LMNA: variants seen among roughly 807,000 people sequenced by gnomAD.
LMNA encodes the protein lamin A/C.
LMNA carries 20 observed loss-of-function variants against 70.4 expected under a neutral mutation model. The observed-to-expected ratio is 0.28, with a 90% CI of 0.20 to 0.41. The LOEUF (loss-of-function observed/expected upper bound fraction) is 0.41. LMNA is among the 10% of genes least tolerant of loss of function. The pLI is 1.00. For synonymous variants in LMNA, 339 were observed against 372.8 expected (o/e 0.91, Z 1.04); for missense variants, 652 against 917.2 (o/e 0.71, Z 3.73).
rs532611941 is a variant in LMNA, at chr1:156,086,344, T to A, written c.-319+3160T>A. 2.0e-5 allele frequency among the ~76,000 whole-genome samples: 3 copies of A among 151,960 alleles called. No homozygotes were observed. In the South Asian group the frequency reaches 6.2e-4, roughly 32 times the overall value. On this transcript the variant is annotated intron_variant, in intron 2 of 12. Transcript: ENST00000368301. ...AAGGTCATTCTAAACAAACAGCAAA[T>A]AATTCTAAAAATAATTCCTGTTAAG...
At position 156,137,104 on chromosome 1, in the gene LMNA, C is replaced by T. The variant is rs374324602; in HGVS notation, c.1489-9C>T. 5.0e-6 allele frequency: 8 copies of T among 1,613,966 alleles called. No individual in the cohort carries two copies. The African/African-American group carries it at 8.0e-5, about 16-fold the overall frequency. ...AGCGCTGGGGTAAGTGTCCTTTTCT[C>T]CTCTCCAGATCTGGGCTGCAGGAGC... On this transcript the variant is annotated splice_polypyrimidine_tract_variant and intron_variant, in intron 8 of 11. Transcript: ENST00000368300. This position sits in a 1 kb window ranked among gnomAD's most constrained non-coding sequence, Gnocchi z 4.6.
rs561606098 is a variant in LMNA at position 156,137,888 on chromosome 1, C to A, written c.1698+145C>A. The A allele has an allele frequency of 1.3e-6, 2 of 1,501,928 alleles. No individual in the cohort carries two copies. Among genetic ancestry groups the A allele is most frequent in the South Asian group, 2.5e-5 (2 of 78,718 alleles). 93.0% of individuals were successfully genotyped at this position (1,501,928 alleles called of 1,614,324 possible). ...TTTACTCGCTGGCCTGGCCTTTCTTCTCTCTCCTCCCTATACCTTGAACAG... is the reference window on the plus strand; with the variant it reads ...TTTACTCGCTGGCCTGGCCTTTCTTATCTCTCCTCCCTATACCTTGAACAG... On this transcript the variant is annotated intron_variant, in intron 10 of 11. Transcript: ENST00000368300. The surrounding 1 kb of genome is among the most constrained non-coding windows in gnomAD (Gnocchi z 4.6).
rs768986279 is a variant in LMNA at position 156,138,750 on chromosome 1, G to A, written c.1961G>A (p.Arg654Gln). Residue 654 changes from arginine to glutamine, a missense_variant, in exon 11 of 12, where the codon CGA becomes CAA. Around this residue, in one of 4 missense-constraint regions of LMNA, gnomAD observed 327 missense variants for 387.6 expected, o/e 0.84. Transcript: ENST00000368300. This position sits in a 1 kb window ranked among gnomAD's most constrained non-coding sequence, Gnocchi z 5.5. ...TACCTCCTGGGCAACTCCAGCCCCC[G>A]AACCCAGGTGAGTTGTCTCTGCTTT... ...RSYLLGNSSP[R>Q]TQSPQNCSIM 5 of 1,613,324 alleles carry A rather than the reference G, an allele frequency of 3.1e-6. No individual in the cohort carries two copies. The Admixed American group carries it at 5.0e-5, about 16-fold the overall frequency.
Position 156,135,875 on chromosome 1 carries a change from C to T in LMNA, c.937-26C>T, listed in dbSNP as rs758467769. 5 of 1,602,518 alleles carry T rather than the reference C, an allele frequency of 3.1e-6. No individual in the cohort carries two copies. The highest frequency in any genetic ancestry group is 3.4e-6 in the Non-Finnish European group (4 of 1,171,258). On this transcript the variant is annotated intron_variant, in intron 5 of 11. Coordinates refer to ENST00000368300, the MANE Select transcript of LMNA (RefSeq NM_170707.4). The surrounding 1 kb of genome is among the most constrained non-coding windows in gnomAD (Gnocchi z 4.8). ...CCCATACTTAGGGCCCTTGGGAGCT[C>T]ACCAAACCCTCCCACCCCCCTTCAG...
chr1:156,110,039 C>T (rs781372963), upstream of LMNA, among the ~76,000 whole-genome samples: 13 of 151,810 alleles, frequency 8.6e-5, no homozygotes, highest in Non-Finnish European at 1.6e-4. Flanking sequence ...GATGGGGTTT[C>T]ACTATGTTGG....
intron 2 of LMNA, among the ~76,000 whole-genome samples, chr1:156,084,330 G>A (rs1342831120): frequency 1.1e-5 from 1 of 90,072 alleles, no homozygotes; most frequent in Admixed American, 1.0e-4. Context: ...CAGAAGGTCG[G>A]GGGGTGGTGG....
In LMNA at chr1:156,084,327, T is replaced by TTGGGGGGGGGGG. The variant is rs1558104047; in HGVS notation, c.-319+1143_-319+1144insTGGGGGGGGGGG. Among the ~76,000 whole-genome samples, 4 of 5,764 alleles carry TTGGGGGGGGGGG rather than the reference T, an allele frequency of 6.9e-4. 1 individual carries two copies. Among genetic ancestry groups the TTGGGGGGGGGGG allele is most frequent in the Non-Finnish European group, 1.2e-3 (4 of 3,244 alleles). 3.8% of individuals were successfully genotyped at this position (5,764 alleles called of 152,430 possible). A position where few individuals can be genotyped will look rare whatever the true frequency, so the allele number is the denominator to read the frequency against. ...AACCTGAGCTGAGGATCTCAGAAGG[T>TTGGGGGGGGGGG]CGGGGGGTGGTGGGGGCAGTTGGCA... On this transcript the variant is annotated intron_variant, in intron 2 of 12. Transcript: ENST00000368301.
intron 3 of LMNA, among the ~76,000 whole-genome samples, chr1:156,093,226 T>A (rs553143683): frequency 6.6e-6 from 1 of 151,704 alleles, no homozygotes; most frequent in Admixed American, 6.6e-5. Context: ...GCCTGTGCTA[T>A]CATCATCTGC....
Position 156,139,759 on chromosome 1 carries a change from A to G in LMNA, c.*653A>G, listed in dbSNP as rs2102905533. 1 of 1,521,866 alleles carries G rather than the reference A, an allele frequency of 6.6e-7. No homozygotes were observed. Among genetic ancestry groups the G allele is most frequent in the African/African-American group, 1.4e-5 (1 of 72,300 alleles). 94.3% of individuals were successfully genotyped at this position (1,521,866 alleles called of 1,614,324 possible). A position where few individuals can be genotyped will look rare whatever the true frequency, so the allele number is the denominator to read the frequency against. ...GTACCAGCTGCGCTTGCTTTTCTGTATTTTATTTAGACAAGAGATGGGAAT... is the reference window on the plus strand; with the variant it reads ...GTACCAGCTGCGCTTGCTTTTCTGTGTTTTATTTAGACAAGAGATGGGAAT... On this transcript the variant is annotated 3_prime_UTR_variant, in exon 12 of 12. Coordinates refer to ENST00000368300, the MANE Select transcript of LMNA (RefSeq NM_170707.4).
intron 1 of LMNA, among the ~76,000 whole-genome samples, chr1:156,128,904 C>A (rs1650808854): frequency 6.6e-6 from 1 of 152,238 alleles, no homozygotes; most frequent in African/African-American, 2.4e-5. Flanking sequence ...AGCTCGGAAT[C>A]TAAGTTGCCC....
intron 3 of LMNA, among the ~76,000 whole-genome samples, chr1:156,108,443 A>G (rs541441750): frequency 6.6e-6 from 1 of 152,220 alleles, no homozygotes; most frequent in East Asian, 1.9e-4. Context: ...CCTGATGGTA[A>G]GATCTTGGCT....
chr1:156,107,497 C>T (rs895868480), intron 3 of LMNA, among the ~76,000 whole-genome samples: 5 of 152,232 alleles, frequency 3.3e-5, no homozygotes, highest in Non-Finnish European at 5.9e-5. Context: ...TCCTCAGAGC[C>T]CAGGGGCCTC....
chr1:156,135,658 G>A lies in LMNA; in HGVS notation c.937-243G>A, dbSNP rs1317397881. 6.7e-6 allele frequency: 4 copies of A among 598,452 alleles called. No individual in the cohort carries two copies. The highest frequency in any genetic ancestry group is 1.2e-5 in the Non-Finnish European group (4 of 337,796). The allele number at this position is 598,452 out of a possible 1,614,324, so 37.1% of individuals were successfully genotyped here. On this transcript the variant is annotated intron_variant, in intron 5 of 11. Transcript: ENST00000368300. This position sits in a 1 kb window ranked among gnomAD's most constrained non-coding sequence, Gnocchi z 4.8. ...TAGTTGGCTGTGCTATTTGTGACAG[G>A]AGAAAAAGTCTAGCCTCAGAACGAG...
At position 156,139,933 on chromosome 1, in the gene LMNA, A is replaced by G; in HGVS notation, c.*827A>G. On this transcript the variant is annotated 3_prime_UTR_variant, in exon 12 of 12. Transcript: ENST00000368300. ...AGAGGGAGGTCACTGGAAAGGGGAG[A>G]GCCTGCTGGCACCCACCGTGGAGGA... 8.4e-7 allele frequency: 1 copy of G among 1,187,136 alleles called. No individual in the cohort carries two copies. The highest frequency in any genetic ancestry group is 1.1e-6 in the Non-Finnish European group (1 of 881,702). The allele number at this position is 1,187,136 out of a possible 1,614,324, so 73.5% of individuals were successfully genotyped here. A position where few individuals can be genotyped will look rare whatever the true frequency, so the allele number is the denominator to read the frequency against.
At chr1:156,133,648 G>C (rs540181109) in intron 2 of LMNA, among the ~76,000 whole-genome samples, 1 of 151,988 alleles carries the variant, frequency 6.6e-6, no homozygotes, top group African/African-American at 2.4e-5. Flanking sequence ...TTCTTTTCAT[G>C]GCAGATAAGG....
chr1:156,112,399 G>C (rs535219194), upstream of LMNA, among the ~76,000 whole-genome samples: 1 of 152,106 alleles, frequency 6.6e-6, no homozygotes. Flanking sequence ...GAGCGGGGAG[G>C]TCTAGGACAG....
intron 2 of LMNA, among the ~76,000 whole-genome samples, chr1:156,132,281 C>G (rs993102055): frequency 1.3e-5 from 2 of 152,016 alleles, no homozygotes; most frequent in Non-Finnish European, 2.9e-5. Flanking sequence ...ACTAGCCTGG[C>G]CAACATGGTG....
intron 3 of LMNA, among the ~76,000 whole-genome samples, chr1:156,092,735 T>A (rs1648754494): frequency 1.3e-5 from 2 of 151,544 alleles, no homozygotes; most frequent in African/African-American, 4.8e-5. Context: ...ACCATCTTAG[T>A]TCCCCGTTGC....
At chr1:156,129,483 G>T (rs957358714) in intron 1 of LMNA, among the ~76,000 whole-genome samples, 1 of 152,158 alleles carries the variant, frequency 6.6e-6, no homozygotes, top group African/African-American at 2.4e-5. Flanking sequence ...TCCTTTCCAG[G>T]ATAGATTTTT....
Sources: gnomAD v4.1 joint callset for allele counts (sites outside exome capture counted in the v4.1 genomes callset) on GRCh38, gnomAD v4.1.1 for gene constraint, gnomAD v4.1.1 regional missense constraint, Gnocchi (gnomAD v3.1) non-coding constraint, MANE v1.5 for transcripts, NCBI Gene and HGNC (gene_info 2026-07-23, HGNC 2026-07-21) for gene names.